Variants in ZNF233 observed in about 807,000 individuals in gnomAD.
ZNF233 encodes zinc finger protein 233.
ZNF233 carries 7 observed loss-of-function variants against 11.6 expected under a neutral mutation model. That is an observed-to-expected ratio of 0.60 (90% CI 0.34 to 1.13). ZNF233 has a LOEUF of 1.13. ZNF233 is among the 50% of genes most tolerant of loss of function. The probability of loss-of-function intolerance (pLI) is 0.03; values close to 1 mark genes in which losing one functional copy is unlikely to be tolerated. For synonymous variants in ZNF233, 226 were observed against 268.5 expected (o/e 0.84, Z 1.55); for missense variants, 711 against 785.5 (o/e 0.91, Z 1.13).
chr19:44,260,405 G>C (rs934310664), intron 1 of ZNF233, among the ~76,000 whole-genome samples: 1 of 152,184 alleles, frequency 6.6e-6, no homozygotes, highest in Non-Finnish European at 1.5e-5. Context: ...TTCAGTCTCT[G>C]AAAGCTTCTG....
At chr19:44,271,205 G>T (rs939649376) in intron 4 of ZNF233, among the ~76,000 whole-genome samples, 2 of 152,152 alleles carry the variant, frequency 1.3e-5, no homozygotes, top group Non-Finnish European at 2.9e-5. Flanking sequence ...CTCATCAAAT[G>T]TATGTTTAAG....
rs766822786 is a variant in ZNF233 at position 44,273,526 on chromosome 19, T to G, written c.866T>G (p.Val289Gly). 6.2e-7 allele frequency: 1 copy of G among 1,614,164 alleles called. No individual in the cohort carries two copies. Among genetic ancestry groups the G allele is most frequent in the South Asian group, 1.1e-5 (1 of 91,080 alleles). Reference sequence around the variant, plus strand: ...TTAAGAGACAAGCCTCATGTAAATGTTGAGTACGGGAAGGGCATAGGTTAC... The same window carrying G: ...TTAAGAGACAAGCCTCATGTAAATGGTGAGTACGGGAAGGGCATAGGTTAC... ...LHLRDKPHVN[V>G]EYGKGIGYSS... The change falls in exon 5 of 5, where the codon GTT becomes GGT. Residue 289 changes from valine to glycine, a missense_variant. Coordinates refer to ENST00000683810, the MANE Select transcript of ZNF233 (RefSeq NM_001207005.2).
At chr19:44,265,429 GTTT>G (rs200379312) in intron 2 of ZNF233, among the ~76,000 whole-genome samples, 2 of 141,438 alleles carry the variant, frequency 1.4e-5, no homozygotes, top group South Asian at 2.3e-4. Context: ...CTTTTCTTTT[GTTT>G]TTTTTTGAGA....
intron 1 of ZNF233, among the ~76,000 whole-genome samples, chr19:44,261,221 C>T (rs1247942887): frequency 3.3e-5 from 5 of 152,092 alleles, no homozygotes; most frequent in Non-Finnish European, 5.9e-5. Context: ...GGGAGGATGG[C>T]TTGAGCCCAG....
In ZNF233 at chr19:44,274,219, T is replaced by G. The variant is rs776323403; in HGVS notation, c.1559T>G (p.Ile520Ser). The G allele has an allele frequency of 5.0e-6, 8 of 1,600,158 alleles. No homozygotes were observed. In the East Asian group the frequency reaches 1.8e-4, roughly 36 times the overall value. Residue 520 changes from isoleucine to serine, a missense_variant, in exon 5 of 5, where the codon ATC becomes AGC. Ile to Ser is a moderately radical substitution (Grantham distance 142, BLOSUM62 -2). Transcript: ENST00000683810. ...CDTCGKDFSQ[I>S]SHLQAHQRVH... is the part of the protein sequence containing the mutation. ...ACATGTGGGAAGGACTTCAGTCAGA[T>G]CTCTCATCTTCAGGCCCATCAGAGA...
chr19:44,274,517 C>T lies in ZNF233; in HGVS notation c.1857C>T (p.Pro619=). 1 of 1,613,982 alleles carries T rather than the reference C, an allele frequency of 6.2e-7. No individual in the cohort carries two copies. Residue 619 remains proline (P), a synonymous_variant, in exon 5 of 5, where the codon CCC becomes CCT. Coordinates refer to ENST00000683810, the MANE Select transcript of ZNF233 (RefSeq NM_001207005.2). Reference sequence around the variant, plus strand: ...AGAGGATCCACACGGGAGAGAAACCCTATAAATGTGGCATGTGTGGTAAGA... The same window carrying T: ...AGAGGATCCACACGGGAGAGAAACCTTATAAATGTGGCATGTGTGGTAAGA... The part of the protein sequence containing the change: ...VHQRIHTGEK[P]YKCGMCGKSF...
In ZNF233 at chr19:44,273,502, T is replaced by TAA; in HGVS notation, c.843_844dup (p.Arg282LysfsTer7). 6.2e-7 allele frequency: 1 copy of TAA among 1,614,186 alleles called. No individual in the cohort carries two copies. The highest frequency in any genetic ancestry group is 8.5e-7 in the Non-Finnish European group (1 of 1,180,042). On this transcript the variant is annotated frameshift_variant, in exon 5 of 5. Coordinates refer to ENST00000683810, the MANE Select transcript of ZNF233 (RefSeq NM_001207005.2). LOFTEE classifies it low-confidence loss of function (END_TRUNC). ...CTTGAACTTCACCAGCAACTACACT[T>TAA]AAGAGACAAGCCTCATGTAAATGTT...
intron 4 of ZNF233, 82 bp downstream of exon 4, chr19:44,267,043 C>T: frequency 9.7e-7 from 1 of 1,029,860 alleles, no homozygotes; most frequent in Non-Finnish European, 1.4e-6. Flanking sequence ...ACCAGCCTGG[C>T]CCAAGACCCC....
intron 1 of ZNF233, among the ~76,000 whole-genome samples, chr19:44,261,795 A>T (rs1974945250): frequency 6.6e-6 from 1 of 151,518 alleles, no homozygotes; most frequent in African/African-American, 2.4e-5. Context: ...GGGATTACAG[A>T]TGCCCGCCAC....
chr19:44,267,239 T>C, intron 4 of ZNF233: 1 of 416,306 alleles, frequency 2.4e-6, no homozygotes, highest in Non-Finnish European at 4.2e-6. Flanking sequence ...TTCAGGGTCC[T>C]ATGTGACCTG....
At position 44,274,887 on chromosome 19, in the gene ZNF233, T is replaced by G. The variant is rs997080091; in HGVS notation, c.*214T>G. The G allele has an allele frequency of 6.1e-6, 3 of 491,594 alleles. No individual in the cohort carries two copies. The highest frequency in any genetic ancestry group is 7.3e-5 in the Admixed American group (2 of 27,358). 30.5% of individuals were successfully genotyped at this position (491,594 alleles called of 1,614,324 possible). A position where few individuals can be genotyped will look rare whatever the true frequency, so the allele number is the denominator to read the frequency against. On this transcript the variant is annotated 3_prime_UTR_variant, in exon 5 of 5. Transcript: ENST00000683810. The stretch of plus-strand genomic sequence containing the variant: ...CCAGTTTCAAGCAGAGCCCAAAATG[T>G]CACAGTTGTCAAGAGAACACACAAC...
intron 4 of ZNF233, 140 bp from the exon 5 acceptor site, chr19:44,272,759 A>G: frequency 1.6e-6 from 1 of 622,778 alleles, no homozygotes; most frequent in Non-Finnish European, 2.6e-6. Context: ...GAGAAAAAAA[A>G]ACAATGATAA....
Position 44,273,798 on chromosome 19 carries a change from C to T in ZNF233, c.1138C>T (p.His380Tyr). The change falls in exon 5 of 5, where the codon CAT (histidine) becomes TAT (tyrosine). Residue 380 changes from histidine to tyrosine, a missense_variant. Physicochemically the swap from His to Tyr is moderately conservative, Grantham distance 83 (BLOSUM62 2). Coordinates refer to ENST00000683810, the MANE Select transcript of ZNF233 (RefSeq NM_001207005.2). Reference protein sequence around the residue: ...CTCGRCGKGFHHSLDFDIHCV... With the variant: ...CTCGRCGKGFYHSLDFDIHCV... ...ATGTGGCAGGTGTGGGAAGGGCTTCCATCATAGCTTAGATTTTGACATTCA... is the reference window on the plus strand; with the variant it reads ...ATGTGGCAGGTGTGGGAAGGGCTTCTATCATAGCTTAGATTTTGACATTCA... The T allele has an allele frequency of 6.2e-7, 1 of 1,613,916 alleles. No individual in the cohort carries two copies. Among genetic ancestry groups the T allele is most frequent in the Non-Finnish European group, 8.5e-7 (1 of 1,179,954 alleles).
rs1975346517 is a variant in ZNF233, at chr19:44,274,659, T to C, written c.1999T>C (p.Ser667Pro). The C allele has an allele frequency of 6.2e-7, 1 of 1,601,644 alleles. No individual in the cohort carries two copies. The highest frequency in any genetic ancestry group is 8.5e-7 in the Non-Finnish European group (1 of 1,172,142). Residue 667 changes from serine (S) to proline (P), a missense_variant, in exon 5 of 5, where the codon TCA becomes CCA. Coordinates refer to ENST00000683810, the MANE Select transcript of ZNF233 (RefSeq NM_001207005.2). ...TAAGAGTTCGTTGTCTTCAGATTCATCAGAGAGTCCATGATGGTGATGAAT... is the reference window on the plus strand; with the variant it reads ...TAAGAGTTCGTTGTCTTCAGATTCACCAGAGAGTCCATGATGGTGATGAAT... ...FSKSSLSSDS[S>P]ESP
intron 4 of ZNF233, chr19:44,267,616 A>G: frequency 2.6e-6 from 1 of 385,944 alleles, no homozygotes; most frequent in East Asian, 3.7e-5. Flanking sequence ...TCCTGAGCTC[A>G]AGCAATCCTC....
chr19:44,261,160 T>C (rs1974926033), intron 1 of ZNF233, among the ~76,000 whole-genome samples: 1 of 152,018 alleles, frequency 6.6e-6, no homozygotes, highest in African/African-American at 2.4e-5. Flanking sequence ...GTCAGTCCCA[T>C]GGGGGTGCAG....
Position 44,274,798 on chromosome 19 carries a change from A to G in ZNF233, c.*125A>G. 1.2e-6 allele frequency: 1 copy of G among 812,394 alleles called. No individual in the cohort carries two copies. Among genetic ancestry groups the G allele is most frequent in the East Asian group, 2.7e-5 (1 of 36,422 alleles). 50.3% of individuals were successfully genotyped at this position (812,394 alleles called of 1,614,324 possible). ...ATAAAATGTCATGTTTTAAGAATTC[A>G]TGAGCTGAGTTTTTATAGTTATCTG... On this transcript the variant is annotated 3_prime_UTR_variant, in exon 5 of 5. Transcript: ENST00000683810.
In ZNF233 at chr19:44,274,586, T is replaced by C. The variant is rs1227081360; in HGVS notation, c.1926T>C (p.His642=). ...TSHLQAHQRV[H]TGEKPYKCFV... ...ATCTTCAAGCCCATCAGAGAGTCCA[T>C]ACTGGAGAGAAACCATACAAATGTT... Residue 642 remains histidine, a synonymous_variant, in exon 5 of 5, where the codon CAT becomes CAC. Transcript: ENST00000683810. The C allele has an allele frequency of 2.5e-6, 4 of 1,613,954 alleles. No homozygotes were observed. Among genetic ancestry groups the C allele is most frequent in the East Asian group, 2.2e-5 (1 of 44,846 alleles).
chr19:44,273,093 A>C lies in ZNF233; in HGVS notation c.433A>C (p.Thr145Pro). Residue 145 changes from threonine to proline, a missense_variant, in exon 5 of 5, where the codon ACA becomes CCA. Transcript: ENST00000683810. Reference sequence around the variant, plus strand: ...AGGTGATTCCCCCTGTCAGGTGTGGACAGGAGAATCTAGTCAGGTCTCTGA... The same window carrying C: ...AGGTGATTCCCCCTGTCAGGTGTGGCCAGGAGAATCTAGTCAGGTCTCTGA... ...KQGDSPCQVW[T>P]GESSQVSEDE... 1 of 1,614,138 alleles carries C rather than the reference A, an allele frequency of 6.2e-7. No individual in the cohort carries two copies. The highest frequency in any genetic ancestry group is 8.5e-7 in the Non-Finnish European group (1 of 1,180,018).
Sources: gnomAD v4.1 joint callset for allele counts (sites outside exome capture counted in the v4.1 genomes callset) on GRCh38, gnomAD v4.1.1 for gene constraint, MANE v1.5 for transcripts, NCBI Gene and HGNC (gene_info 2026-07-23, HGNC 2026-07-21) for gene names.